Variants in ELP6 observed in about 807,000 individuals in gnomAD.
ELP6 encodes elongator acetyltransferase complex subunit 6, also known as elongator complex protein 6.
Under a neutral mutation model 28.1 loss-of-function variants are expected in ELP6, and 23 were observed. The ratio of observed to expected loss-of-function variants is 0.82; its 90% CI spans 0.59 to 1.16. The LOEUF is 1.16. ELP6 is among the 50% of genes most tolerant of loss of function. ELP6 has a pLI of 0.00. For missense variants in ELP6, 313 were observed against 334.6 expected, an observed-to-expected ratio of 0.94 and a Z score of 0.50; for synonymous variants, 132 against 135.8, an observed-to-expected ratio of 0.97 and a Z score of 0.19.
At chr3:47,506,210 A>T (rs1198451523) in intron 3 of ELP6, among the ~76,000 whole-genome samples, 1 of 152,194 alleles carries the variant, frequency 6.6e-6, no homozygotes, top group Non-Finnish European at 1.5e-5. Flanking sequence ...CGTATTTCAC[A>T]AGGTAATAGA....
chr3:47,500,754 A>T (rs1159962075), intron 5 of ELP6, among the ~76,000 whole-genome samples: 2 of 152,228 alleles, frequency 1.3e-5, no homozygotes, highest in African/African-American at 4.8e-5. Context: ...GGACGGCCTC[A>T]GAAGTTCCCT....
intron 3 of ELP6, among the ~76,000 whole-genome samples, chr3:47,505,427 C>T (rs1240632291): frequency 6.6e-6 from 1 of 151,746 alleles, no homozygotes; most frequent in East Asian, 1.9e-4. Flanking sequence ...GTTTTTGAGA[C>T]AGTCTCTCAC....
In ELP6 at chr3:47,495,831, G is replaced by T; in HGVS notation, c.*238C>A. 1.8e-6 allele frequency: 1 copy of T among 547,916 alleles called. No individual in the cohort carries two copies. Among genetic ancestry groups the T allele is most frequent in the Non-Finnish European group, 3.0e-6 (1 of 335,892 alleles). 33.9% of individuals were successfully genotyped at this position (547,916 alleles called of 1,614,324 possible). On this transcript the variant is annotated 3_prime_UTR_variant, in exon 7 of 7. Transcript: ENST00000296149. ...GCTCCAAAGGACCCCTTTCACTTGGGTCTAGCATCCAGCCTCTCTCTCAGC... is the reference window on the plus strand; with the variant it reads ...GCTCCAAAGGACCCCTTTCACTTGGTTCTAGCATCCAGCCTCTCTCTCAGC...
At chr3:47,510,665 G>T (rs1708988307) in intron 2 of ELP6, among the ~76,000 whole-genome samples, 4 of 152,066 alleles carry the variant, frequency 2.6e-5, no homozygotes, top group Admixed American at 2.0e-4. Context: ...TCCCTATATT[G>T]CCCAGGCTGG....
At chr3:47,504,607 A>T (rs1224353143) in intron 3 of ELP6, 159 bp from the exon 4 acceptor site, 1 of 985,288 alleles carries the variant, frequency 1.0e-6, no homozygotes, top group Non-Finnish European at 1.2e-6. Flanking sequence ...GGTGCTCCCA[A>T]ACCCATAATG....
At chr3:47,496,495 GTTTTT>G (rs113383330) in intron 6 of ELP6, 8 of 878,434 alleles carry the variant, frequency 9.1e-6, no homozygotes, top group African/African-American at 1.9e-5. Context: ...GTATTTTTAT[GTTTTT>G]TTTTTTTTTT....
At chr3:47,503,967 C>A (rs1260846386) in intron 4 of ELP6, among the ~76,000 whole-genome samples, 1 of 152,096 alleles carries the variant, frequency 6.6e-6, no homozygotes, top group Non-Finnish European at 1.5e-5. Context: ...ACAAACAAAA[C>A]AAATGTATTT....
chr3:47,498,908 C>T (rs538416998), intron 5 of ELP6, among the ~76,000 whole-genome samples: 3 of 152,192 alleles, frequency 2.0e-5, no homozygotes, highest in African/African-American at 7.2e-5. Flanking sequence ...GGGAGCACAA[C>T]GAAGAGGCAT....
In ELP6 at chr3:47,496,160, A is replaced by G; in HGVS notation, c.710T>C (p.Val237Ala). 1 of 1,614,090 alleles carries G rather than the reference A, an allele frequency of 6.2e-7. No individual in the cohort carries two copies. Among genetic ancestry groups the G allele is most frequent in the Non-Finnish European group, 8.5e-7 (1 of 1,180,016 alleles). The stretch of plus-strand genomic sequence containing the variant: ...GTAAGTGAAGCTCTGATCCCGGTGG[A>G]CTGCGGGCTGCGATGGTCTCCTCCA... ...ILWRRPSQPA[V>A]HRDQSFTYQY... Residue 237 changes from valine to alanine, a missense_variant, in exon 7 of 7, where the codon GTC (valine) becomes GCC (alanine). Physicochemically the swap from Val to Ala is moderately conservative, Grantham distance 64. Coordinates refer to ENST00000296149, the MANE Select transcript of ELP6 (RefSeq NM_001031703.3).
chr3:47,513,238 C>T, intron 1 of ELP6: 1 of 1,249,794 alleles, frequency 8.0e-7, no homozygotes, highest in East Asian at 3.9e-5. Context: ...ATGATGCACC[C>T]GCCTCGGCCT....
intron 1 of ELP6, chr3:47,511,872 TCATG>T (rs1225215499): frequency 1.0e-6 from 1 of 985,468 alleles, no homozygotes; most frequent in African/African-American, 1.7e-5. Context: ...TCAAGTGATA[TCATG>T]CATGCCACCT....
chr3:47,505,675 G>A (rs1310586204), intron 3 of ELP6, among the ~76,000 whole-genome samples: 3 of 152,136 alleles, frequency 2.0e-5, no homozygotes, highest in African/African-American at 4.8e-5. Context: ...GGGTTCAAGC[G>A]ATTCTCCTGC....
chr3:47,504,645 C>T (rs1226531358), intron 3 of ELP6, 197 bp from the exon 4 acceptor site: 8 of 985,236 alleles, frequency 8.1e-6, no homozygotes, highest in Non-Finnish European at 9.6e-6. Flanking sequence ...TGTGTATTTC[C>T]ATTTAATTGT....
intron 2 of ELP6, among the ~76,000 whole-genome samples, 200 bp downstream of exon 2, chr3:47,510,948 C>A (rs1452146060): frequency 6.6e-6 from 1 of 152,168 alleles, no homozygotes; most frequent in East Asian, 1.9e-4. Flanking sequence ...AAACAGTGAG[C>A]ACATGCCACT....
At chr3:47,498,922 C>G (rs1708557587) in intron 5 of ELP6, among the ~76,000 whole-genome samples, 1 of 152,230 alleles carries the variant, frequency 6.6e-6, no homozygotes, top group South Asian at 2.1e-4. Flanking sequence ...GAGGCATCCC[C>G]TGTAACCCGG....
intron 3 of ELP6, chr3:47,509,830 C>T (rs1985505): frequency 0.015 from 2,401 of 164,610 alleles, 31 homozygotes; most frequent in Middle Eastern, 0.033. Context: ...AGTGCGATCT[C>T]AGCTCACTGC....
chr3:47,513,497 T>G (rs911957004), intron 1 of ELP6, 40 bp downstream of exon 1: 1 of 1,602,010 alleles, frequency 6.2e-7, no homozygotes, highest in Non-Finnish European at 8.5e-7. Flanking sequence ...TCCGCTGCCC[T>G]GCCAGGTCCC....
Position 47,498,304 on chromosome 3 carries a change from G to A in ELP6, c.654C>T (p.Cys218=). The A allele has an allele frequency of 6.2e-7, 1 of 1,613,532 alleles. No homozygotes were observed. Among genetic ancestry groups the A allele is most frequent in the Non-Finnish European group, 8.5e-7 (1 of 1,180,032 alleles). ...LRAEGLATGF[C]RDVHGQLRIL... Reference sequence around the variant, plus strand: ...TGCATACCTGCCCGTGCACATCCCTGCAGAAGCCAGTGGCCAGGCCCTCAG... The same window carrying A: ...TGCATACCTGCCCGTGCACATCCCTACAGAAGCCAGTGGCCAGGCCCTCAG... The change falls in exon 6 of 7, where the codon TGC becomes TGT. Residue 218 remains cysteine, a synonymous_variant. Transcript: ENST00000296149.
chr3:47,513,240 C>T, intron 1 of ELP6: 2 of 1,255,852 alleles, frequency 1.6e-6, no homozygotes, highest in Non-Finnish European at 2.0e-6. Flanking sequence ...GATGCACCCG[C>T]CTCGGCCTCC....
Sources: gnomAD v4.1 joint callset for allele counts (sites outside exome capture counted in the v4.1 genomes callset) on GRCh38, gnomAD v4.1.1 for gene constraint, MANE v1.5 for transcripts, NCBI Gene and HGNC (gene_info 2026-07-23, HGNC 2026-07-21) for gene names.